The following APC variants were observed in gnomAD, a reference collection of about 807,000 sequenced individuals.
The protein encoded by APC is adenomatous polyposis coli protein.
APC carries 72 observed loss-of-function variants against 247.0 expected under a neutral mutation model. The observed-to-expected ratio is 0.29, with a 90% CI of 0.24 to 0.35. The LOEUF (loss-of-function observed/expected upper bound fraction) is 0.35, where lower values mean the gene tolerates loss of function less well. Ranked by LOEUF, APC falls within the 10% of genes least tolerant of loss-of-function variation. APC has a pLI of 1.00. For synonymous variants in APC, 1,254 were observed against 1,162.5 expected, an observed-to-expected ratio of 1.08 and a Z score of -1.60; for missense variants, 3,400 against 3,360.7, an observed-to-expected ratio of 1.01 and a Z score of -0.29.
chr5:112,824,261 A>T (rs1763425685), intron 11 of APC, among the ~76,000 whole-genome samples: 1 of 152,206 alleles, frequency 6.6e-6, no homozygotes, highest in Non-Finnish European at 1.5e-5. Flanking sequence ...ACCATGAAAC[A>T]TCCTGATTTT....
rs369264968 is a variant in APC, at chr5:112,843,977, G to A, written c.8383G>A (p.Ala2795Thr). The part of the protein sequence containing the change: ...NYNPSPRKSS[A>T]DSTSARPSQI... ...CAACCCAAGCCCTAGGAAAAGCAGC[G>A]CAGATAGCACTTCAGCTCGGCCATC... Residue 2795 changes from alanine to threonine, a missense_variant, in exon 16 of 16, where the codon GCA becomes ACA. By Grantham distance (58) the Ala-to-Thr change is moderately conservative (BLOSUM62 0). Coordinates refer to ENST00000257430, the MANE Select transcript of APC (RefSeq NM_000038.6). The surrounding 1 kb of genome is among the most constrained non-coding windows in gnomAD (Gnocchi z 4.8). 66 of 1,602,810 alleles carry A rather than the reference G, an allele frequency of 4.1e-5. No homozygotes were observed. The highest frequency in any genetic ancestry group is 8.9e-5 in the East Asian group (4 of 44,814).
chr5:112,763,294 G>A (rs557053404), intron 2 of APC, among the ~76,000 whole-genome samples: 164 of 150,846 alleles, frequency 1.1e-3, no homozygotes, highest in Middle Eastern at 0.01. Context: ...ACCTTTGATA[G>A]TATATATATA....
chr5:112,820,394 A>G (rs751543846), intron 10 of APC, among the ~76,000 whole-genome samples: 1 of 152,194 alleles, frequency 6.6e-6, no homozygotes, highest in African/African-American at 2.4e-5. Flanking sequence ...TCATGCCTGT[A>G]ATGGCAGCAC....
At chr5:112,734,793 G>GTGT (rs556763098), upstream of APC, among the ~76,000 whole-genome samples, 2 of 41,880 alleles carry the variant, frequency 4.8e-5, no homozygotes, top group Non-Finnish European at 1.1e-4. Context: ...GTGTGTGTGT[G>GTGT]TTTTTTTTTT....
intron 4 of APC, among the ~76,000 whole-genome samples, chr5:112,772,364 A>G (rs1757151445): frequency 6.6e-6 from 1 of 152,192 alleles, no homozygotes; most frequent in Non-Finnish European, 1.5e-5. Context: ...TTAGCTGAAG[A>G]CACTATAACC....
chr5:112,816,515 C>T (rs1052384067), intron 9 of APC, among the ~76,000 whole-genome samples: 26 of 152,134 alleles, frequency 1.7e-4, no homozygotes, highest in East Asian at 5.8e-4. Flanking sequence ...TACTTTAAGC[C>T]GGATGTGGTG....
intron 14 of APC, among the ~76,000 whole-genome samples, chr5:112,834,460 G>A (rs978319974): frequency 6.6e-6 from 1 of 151,110 alleles, no homozygotes; most frequent in South Asian, 2.1e-4. Context: ...GGCGAGGCTG[G>A]TCTTGAACTC....
At chr5:112,796,352 T>TAG (rs1331792240) in intron 7 of APC, among the ~76,000 whole-genome samples, 1 of 152,160 alleles carries the variant, frequency 6.6e-6, no homozygotes, top group Admixed American at 6.5e-5. Context: ...TGAAAGAGAT[T>TAG]AGAAAGAAAG....
At chr5:112,723,165 TAAGCATTATA>T (rs1455054532) in intron 1 of APC, among the ~76,000 whole-genome samples, 1 of 151,892 alleles carries the variant, frequency 6.6e-6, no homozygotes, top group Non-Finnish European at 1.5e-5. Flanking sequence ...AGGACTATAA[TAAGCATTATA>T]GTAGTGAAGA....
chr5:112,780,069 C>T (rs1580377156), intron 5 of APC, among the ~76,000 whole-genome samples: 1 of 152,194 alleles, frequency 6.6e-6, no homozygotes, highest in South Asian at 2.1e-4. Flanking sequence ...TGTTTCATTA[C>T]CTTGTCCTTT....
intron 2 of APC, among the ~76,000 whole-genome samples, chr5:112,763,339 T>G (rs1157367251): frequency 7.0e-6 from 1 of 142,218 alleles, no homozygotes; most frequent in Non-Finnish European, 1.5e-5. Flanking sequence ...CAAACTTGCA[T>G]TTGATGACAT....
rs1008316478 is a variant in APC, at chr5:112,741,576, T to G, written c.-19+3651T>G. On this transcript the variant is annotated intron_variant, in intron 1 of 15. Coordinates refer to ENST00000257430, the MANE Select transcript of APC (RefSeq NM_000038.6). The stretch of plus-strand genomic sequence containing the variant: ...GAAATAGCATCATTTTGTGAGTCTG[T>G]TTTTTACAGTTAATGAGATTTTTAA... Among the ~76,000 whole-genome samples, 2 of 152,190 alleles carry G rather than the reference T, an allele frequency of 1.3e-5. 1 individual carries two copies. The highest frequency in any genetic ancestry group is 4.8e-5 in the African/African-American group (2 of 41,444).
chr5:112,761,312 G>A (rs1755643618), intron 2 of APC, among the ~76,000 whole-genome samples: 1 of 152,078 alleles, frequency 6.6e-6, no homozygotes, highest in Admixed American at 6.5e-5. Context: ...ATAGGTAATA[G>A]GAGCAAACTC....
rs781561221 is a variant in APC at position 112,792,452 on chromosome 5, A to G, written c.652A>G (p.Ile218Val). The change falls in exon 7 of 16, where the codon ATA becomes GTA. Residue 218 changes from isoleucine to valine, a missense_variant. By Grantham distance (29) the Ile-to-Val change is conservative. This residue lies in a region of APC where 372 missense variants were observed against 367.6 expected (regional missense o/e 1.01). Transcript: ENST00000257430. ...GTTTCTTGTTTTATTTTAGCGAAGA[A>G]TAGCCAGAATTCAGCAAATCGAAAA... ...QDMEKRAQRR[I>V]ARIQQIEKDI... is the part of the protein sequence containing the mutation. 6.2e-7 allele frequency: 1 copy of G among 1,609,172 alleles called. No homozygotes were observed. Among genetic ancestry groups the G allele is most frequent in the South Asian group, 1.1e-5 (1 of 90,306 alleles).
chr5:112,778,478 A>G (rs1292990639), intron 5 of APC: 1 of 151,906 alleles, frequency 6.6e-6, no homozygotes, highest in Non-Finnish European at 1.5e-5. Flanking sequence ...AAAAAAAAAA[A>G]AAAAGAAAAT....
chr5:112,795,802 G>A (rs1217438809), intron 7 of APC, among the ~76,000 whole-genome samples: 2 of 152,124 alleles, frequency 1.3e-5, no homozygotes, highest in African/African-American at 2.4e-5. Context: ...AAGTGAAATC[G>A]AAATGTAAAG....
At position 112,841,372 on chromosome 5, in the gene APC, A is replaced by G. The variant is rs1244090932; in HGVS notation, c.5778A>G (p.Ile1926Met). Residue 1926 changes from isoleucine (I) to methionine (M), a missense_variant, in exon 16 of 16, where the codon ATA becomes ATG. Around this residue, in one of 9 missense-constraint regions of APC, gnomAD observed 1,788 missense variants for 1,649.5 expected, o/e 1.08. Coordinates refer to ENST00000257430, the MANE Select transcript of APC (RefSeq NM_000038.6). This position sits in a 1 kb window ranked among gnomAD's most constrained non-coding sequence, Gnocchi z 4.6. The part of the protein sequence containing the change: ...QPINRGQPKP[I>M]LQKQSTFPQS... ...TAAATCGAGGTCAGCCTAAACCCAT[A>G]CTTCAGAAACAATCCACTTTTCCCC... 4 of 1,613,636 alleles carry G rather than the reference A, an allele frequency of 2.5e-6. No individual in the cohort carries two copies. The highest frequency in any genetic ancestry group is 8.5e-7 in the Non-Finnish European group (1 of 1,179,604).
intron 6 of APC, among the ~76,000 whole-genome samples, chr5:112,785,662 A>T (rs1035866052): frequency 6.6e-6 from 1 of 152,202 alleles, no homozygotes; most frequent in Non-Finnish European, 1.5e-5. Flanking sequence ...CAAATGATAG[A>T]GACTAGAAAG....
Position 112,839,927 on chromosome 5 carries a change from A to T in APC, c.4333A>T (p.Thr1445Ser), listed in dbSNP as rs587780597. 1 of 1,614,056 alleles carries T rather than the reference A, an allele frequency of 6.2e-7. No homozygotes were observed. The highest frequency in any genetic ancestry group is 8.5e-7 in the Non-Finnish European group (1 of 1,180,000). ...RSKTPPPPPQ[T>S]AQTKREVPKN... ...TAAAACACCTCCACCACCTCCTCAA[A>T]CAGCTCAAACCAAGCGAGAAGTACC... The change falls in exon 16 of 16, where the codon ACA becomes TCA. Residue 1445 changes from threonine (T) to serine (S), a missense_variant. Physicochemically the swap from Thr to Ser is moderately conservative, Grantham distance 58 (BLOSUM62 1). This residue lies in a region of APC where 1,788 missense variants were observed against 1,649.5 expected (regional missense o/e 1.08). Coordinates refer to ENST00000257430, the MANE Select transcript of APC (RefSeq NM_000038.6). This position sits in a 1 kb window ranked among gnomAD's most constrained non-coding sequence, Gnocchi z 5.0.
Sources: gnomAD v4.1 joint callset for allele counts (sites outside exome capture counted in the v4.1 genomes callset) on GRCh38, gnomAD v4.1.1 for gene constraint, gnomAD v4.1.1 regional missense constraint, Gnocchi (gnomAD v3.1) non-coding constraint, MANE v1.5 for transcripts, NCBI Gene and HGNC (gene_info 2026-07-23, HGNC 2026-07-21) for gene names.